The following ZNF12 variants were observed in gnomAD, a reference collection of about 807,000 sequenced individuals.
ZNF12 encodes zinc finger protein 12, also known as gonadotropin inducible transcription repressor 3.
ZNF12 carries 34 observed loss-of-function variants against 66.6 expected under a neutral mutation model. The ratio of observed to expected loss-of-function variants is 0.51; its 90% CI spans 0.39 to 0.68. ZNF12 has a LOEUF of 0.68. Among genes scored for constraint, ZNF12 ranks in the 30% least tolerant of loss-of-function variants. The pLI is 0.00. For missense variants in ZNF12, 697 were observed against 826.9 expected (o/e 0.84, Z 1.93); for synonymous variants, 320 against 278.9 (o/e 1.15, Z -1.47).
chr7:6,688,468 T>C lies in ZNF12; in HGVS notation c.*2380A>G, dbSNP rs1780021218. 6.6e-6 allele frequency: 1 copy of C among 152,206 alleles called. No individual in the cohort carries two copies. The highest frequency in any genetic ancestry group is 2.4e-5 in the African/African-American group (1 of 41,452). 9.4% of individuals were successfully genotyped at this position (152,206 alleles called of 1,614,324 possible). A position where few individuals can be genotyped will look rare whatever the true frequency, so the allele number is the denominator to read the frequency against. ...TCAAATATTTTACTGAAAATGCATA[T>C]TGTACAATTAATGTATAATGACACA... On this transcript the variant is annotated 3_prime_UTR_variant, in exon 5 of 5. Transcript: ENST00000405858. This position sits in a 1 kb window ranked among gnomAD's most constrained non-coding sequence, Gnocchi z 4.3.
At position 6,689,912 on chromosome 7, in the gene ZNF12, A is replaced by G. The variant is rs1269695387; in HGVS notation, c.*936T>C. 2 of 152,400 alleles carry G rather than the reference A, an allele frequency of 1.3e-5. No individual in the cohort carries two copies. The highest frequency in any genetic ancestry group is 2.9e-5 in the Non-Finnish European group (2 of 68,054). 9.4% of individuals were successfully genotyped at this position (152,400 alleles called of 1,614,324 possible). A position where few individuals can be genotyped will look rare whatever the true frequency, so the allele number is the denominator to read the frequency against. On this transcript the variant is annotated 3_prime_UTR_variant, in exon 5 of 5. Coordinates refer to ENST00000405858, the MANE Select transcript of ZNF12 (RefSeq NM_016265.4). ...AAAAACAGTAGAAAAAAAAATAGAT[A>G]CAAATGGGAATATTTTAAGTATATC...
At chr7:6,701,180 AC>A (rs1192233218) in intron 2 of ZNF12, among the ~76,000 whole-genome samples, 1 of 151,942 alleles carries the variant, frequency 6.6e-6, no homozygotes, top group Non-Finnish European at 1.5e-5. Flanking sequence ...CTTCATCATC[AC>A]TTCAGAGTTT....
chr7:6,705,227 G>T lies in ZNF12; in HGVS notation c.-50-4C>A. ...GACTGTGAAAGCGGAGGCAGATCTG[G>T]GGAAGGAAAACCCAAGCCATGGCGT... On this transcript the variant is annotated splice_region_variant and splice_polypyrimidine_tract_variant and intron_variant, in intron 1 of 4. Coordinates refer to ENST00000405858, the MANE Select transcript of ZNF12 (RefSeq NM_016265.4). The surrounding 1 kb of genome is among the most constrained non-coding windows in gnomAD (Gnocchi z 4.0). The T allele has an allele frequency of 6.2e-7, 1 of 1,611,986 alleles. No individual in the cohort carries two copies. The highest frequency in any genetic ancestry group is 8.5e-7 in the Non-Finnish European group (1 of 1,178,756).
rs1780338909 is a variant in ZNF12 at position 6,705,461 on chromosome 7, G to A, written c.-50-238C>T. 6.6e-6 allele frequency among the ~76,000 whole-genome samples: 1 copy of A among 152,176 alleles called. No homozygotes were observed. Among genetic ancestry groups the A allele is most frequent in the South Asian group, 2.1e-4 (1 of 4,834 alleles). On this transcript the variant is annotated intron_variant, in intron 1 of 4. Transcript: ENST00000405858. This position sits in a 1 kb window ranked among gnomAD's most constrained non-coding sequence, Gnocchi z 4.0. ...GAGATTCTCATGGTGAATGAATACT[G>A]GATCCTACTGAAATAATCTGCCATC...
chr7:6,703,944 G>A (rs1372845383), intron 2 of ZNF12, among the ~76,000 whole-genome samples: 1 of 152,224 alleles, frequency 6.6e-6, no homozygotes, highest in Admixed American at 6.5e-5. Context: ...ACAGGACCAA[G>A]ACCACAGGCT....
rs998454272 is a variant in ZNF12 at position 6,690,714 on chromosome 7, T to C, written c.*134A>G. ...GTTTCCATTCTGTGAGTCTTCAGAT[T>C]ATGAGTCCAACACACAAGGGGATGT... On this transcript the variant is annotated 3_prime_UTR_variant, in exon 5 of 5. Transcript: ENST00000405858. 3.4e-6 allele frequency: 3 copies of C among 881,834 alleles called. No individual in the cohort carries two copies. The African/African-American group carries it at 5.1e-5, about 15-fold the overall frequency. 54.6% of individuals were successfully genotyped at this position (881,834 alleles called of 1,614,324 possible). A position where few individuals can be genotyped will look rare whatever the true frequency, so the allele number is the denominator to read the frequency against.
At chr7:6,695,684 A>G (rs1490515577) in intron 4 of ZNF12, among the ~76,000 whole-genome samples, 1 of 152,266 alleles carries the variant, frequency 6.6e-6, no homozygotes, top group East Asian at 1.9e-4. Context: ...TCCAAGAGCA[A>G]AACAGCTCAA....
rs1398211256 is a variant in ZNF12 at position 6,706,741 on chromosome 7, G to A, written c.-360C>T. 3 of 237,540 alleles carry A rather than the reference G, an allele frequency of 1.3e-5. No individual in the cohort carries two copies. The highest frequency in any genetic ancestry group is 2.5e-5 in the Non-Finnish European group (3 of 121,360). 14.7% of individuals were successfully genotyped at this position (237,540 alleles called of 1,614,324 possible). A position where few individuals can be genotyped will look rare whatever the true frequency, so the allele number is the denominator to read the frequency against. The stretch of plus-strand genomic sequence containing the variant: ...TCGTCACCGCCCGGCCGGCCCCTTG[G>A]GCCCCAGCGCCGTCGGCTCCGGGGG... On this transcript the variant is annotated 5_prime_UTR_variant, in exon 1 of 5. Transcript: ENST00000405858.
intron 2 of ZNF12, among the ~76,000 whole-genome samples, chr7:6,701,245 T>C (rs939278672): frequency 1.3e-5 from 2 of 152,110 alleles, no homozygotes; most frequent in African/African-American, 4.8e-5. Flanking sequence ...CATCCATGAA[T>C]TACCTCCTCC....
In ZNF12 at chr7:6,698,116, G is replaced by C; in HGVS notation, c.16-305C>G. The C allele has an allele frequency of 3.5e-6, 2 of 563,840 alleles. No homozygotes were observed. Among genetic ancestry groups the C allele is most frequent in the South Asian group, 3.0e-5 (2 of 66,472 alleles). The allele number at this position is 563,840 out of a possible 1,614,324, so 34.9% of individuals were successfully genotyped here. On this transcript the variant is annotated intron_variant, in intron 2 of 4. Transcript: ENST00000405858. This position sits in a 1 kb window ranked among gnomAD's most constrained non-coding sequence, Gnocchi z 4.4. ...CTCACCCCTGAGGAGCACAGGCCTG[G>C]GGACACTCACAGAACCCCAGGATGC...
chr7:6,692,206 A>C lies in ZNF12; in HGVS notation c.736T>G (p.Ser246Ala). 6.2e-7 allele frequency: 1 copy of C among 1,614,036 alleles called. No individual in the cohort carries two copies. Among genetic ancestry groups the C allele is most frequent in the Non-Finnish European group, 8.5e-7 (1 of 1,179,904 alleles). The change falls in exon 5 of 5, where the codon TCT becomes GCT. Residue 246 changes from serine to alanine, a missense_variant. Ser to Ala is a moderately conservative substitution (Grantham distance 99). Transcript: ENST00000405858. This position sits in a 1 kb window ranked among gnomAD's most constrained non-coding sequence, Gnocchi z 5.1. The stretch of plus-strand genomic sequence containing the variant: ...GACATCTGGAGAAAGGCTATTTCAG[A>C]TCCATTCCACTTATAGGGCTTTTCT... ...MEEKPYKWNG[S>A]EIAFLQMSDL...
intron 2 of ZNF12, among the ~76,000 whole-genome samples, chr7:6,700,572 C>T (rs1562601488): frequency 6.6e-6 from 1 of 152,120 alleles, no homozygotes; most frequent in South Asian, 2.1e-4. Flanking sequence ...CTGACTCAAT[C>T]CCCTCAAACC....
In ZNF12 at chr7:6,705,269, T is replaced by G. The variant is rs747510151; in HGVS notation, c.-50-46A>C. 1 of 1,508,644 alleles carries G rather than the reference T, an allele frequency of 6.6e-7. No homozygotes were observed. Among genetic ancestry groups the G allele is most frequent in the African/African-American group, 1.4e-5 (1 of 72,670 alleles). The allele number at this position is 1,508,644 out of a possible 1,614,324, so 93.5% of individuals were successfully genotyped here. ...CCATGGCGTTATGAGCGGTCTGGCCTGCCAAGGCGGTCATCTCCCGCCCAA... is the reference window on the plus strand; with the variant it reads ...CCATGGCGTTATGAGCGGTCTGGCCGGCCAAGGCGGTCATCTCCCGCCCAA... On this transcript the variant is annotated intron_variant, in intron 1 of 4. Coordinates refer to ENST00000405858, the MANE Select transcript of ZNF12 (RefSeq NM_016265.4). This position sits in a 1 kb window ranked among gnomAD's most constrained non-coding sequence, Gnocchi z 4.0.
In ZNF12 at chr7:6,690,578, T is replaced by C. The variant is rs1780049604; in HGVS notation, c.*270A>G. On this transcript the variant is annotated 3_prime_UTR_variant, in exon 5 of 5. Coordinates refer to ENST00000405858, the MANE Select transcript of ZNF12 (RefSeq NM_016265.4). Reference sequence around the variant, plus strand: ...CCCCTTGGCTATGATTTCCCTGATATGCAAAACAGTTCCAATCCATGGTGA... The same window carrying C: ...CCCCTTGGCTATGATTTCCCTGATACGCAAAACAGTTCCAATCCATGGTGA... The C allele has an allele frequency of 3.2e-6, 1 of 317,438 alleles. No homozygotes were observed. The highest frequency in any genetic ancestry group is 2.1e-5 in the African/African-American group (1 of 46,738). 19.7% of individuals were successfully genotyped at this position (317,438 alleles called of 1,614,324 possible).
In ZNF12 at chr7:6,702,486, C is replaced by CCACATA. The variant is rs774190186; in HGVS notation, c.15+2672_15+2673insTATGTG. ...ACGCACCAGATTCGTCTCCCAAACTCCACACACACACACACACACACAGAT... is the reference window on the plus strand; with the variant it reads ...ACGCACCAGATTCGTCTCCCAAACTCCACATACACACACACACACACACACACAGAT... On this transcript the variant is annotated intron_variant, in intron 2 of 4. Transcript: ENST00000405858. Among the ~76,000 whole-genome samples the CCACATA allele has an allele frequency of 1.2e-3, 52 of 42,758 alleles. 8 individuals carry two copies. The highest frequency in any genetic ancestry group is 7.1e-3 in the African/African-American group (50 of 7,038). The allele number at this position is 42,758 out of a possible 152,430, so 28.1% of individuals were successfully genotyped here.
rs368500252 is a variant in ZNF12 at position 6,692,721 on chromosome 7, T to C, written c.239-18A>G. ...GACTTCATCTAAAGAGAGACAAAAT[T>C]AATAAACTTTTGTACATCTTCCTAT... On this transcript the variant is annotated intron_variant, in intron 4 of 4. Coordinates refer to ENST00000405858, the MANE Select transcript of ZNF12 (RefSeq NM_016265.4). This position sits in a 1 kb window ranked among gnomAD's most constrained non-coding sequence, Gnocchi z 5.1. 1.9e-6 allele frequency: 3 copies of C among 1,539,416 alleles called. No homozygotes were observed. Among genetic ancestry groups the C allele is most frequent in the Non-Finnish European group, 2.6e-6 (3 of 1,149,930 alleles).
rs1312780871 is a variant in ZNF12, at chr7:6,689,811, G to A, written c.*1037C>T. On this transcript the variant is annotated 3_prime_UTR_variant, in exon 5 of 5. Transcript: ENST00000405858. ...AGAGCACAAGGTTTAAAACCAGTAC[G>A]ACATCAAATGAAAACACAGTGAATT... is the stretch of plus-strand genomic sequence containing the variant. The A allele has an allele frequency of 2.0e-5, 3 of 152,514 alleles. No individual in the cohort carries two copies. The highest frequency in any genetic ancestry group is 4.4e-5 in the Non-Finnish European group (3 of 68,026). The allele number at this position is 152,514 out of a possible 1,614,324, so 9.4% of individuals were successfully genotyped here.
chr7:6,704,221 C>T (rs970154311), intron 2 of ZNF12: 1 of 151,482 alleles, frequency 6.6e-6, no homozygotes, highest in Non-Finnish European at 1.5e-5. Flanking sequence ...TGCCTGTAAT[C>T]GCAGCTACTC....
Position 6,697,255 on chromosome 7 carries a change from C to A in ZNF12, c.238+84G>T. 2 of 1,042,976 alleles carry A rather than the reference C, an allele frequency of 1.9e-6. No individual in the cohort carries two copies. Among genetic ancestry groups the A allele is most frequent in the Non-Finnish European group, 2.8e-6 (2 of 706,460 alleles). 64.6% of individuals were successfully genotyped at this position (1,042,976 alleles called of 1,614,324 possible). A position where few individuals can be genotyped will look rare whatever the true frequency, so the allele number is the denominator to read the frequency against. On this transcript the variant is annotated intron_variant, in intron 4 of 4. Coordinates refer to ENST00000405858, the MANE Select transcript of ZNF12 (RefSeq NM_016265.4). The surrounding 1 kb of genome is among the most constrained non-coding windows in gnomAD (Gnocchi z 6.1). ...GCATATAAGCAACTATTTCTAGTCA[C>A]TTCTAAAGGTTCGGGACCATTAAAA...
Sources: allele counts gnomAD v4.1 joint callset (sites outside exome capture counted in the v4.1 genomes callset), GRCh38; gene constraint gnomAD v4.1.1; non-coding constraint Gnocchi (gnomAD v3.1); transcripts MANE v1.5; gene names NCBI Gene and HGNC (gene_info 2026-07-23, HGNC 2026-07-21).